Variants in SBNO2 observed in about 807,000 individuals in gnomAD.
The protein encoded by SBNO2 is protein strawberry notch homolog 2.
SBNO2 carries 89 observed loss-of-function variants against 146.3 expected under a neutral mutation model. That is an observed-to-expected ratio of 0.61 (90% CI 0.51 to 0.73). The LOEUF is 0.73. Among genes scored for constraint, SBNO2 ranks in the 30% least tolerant of loss-of-function variants. The pLI is 0.00. For synonymous variants in SBNO2, 1,147 were observed against 892.6 expected (o/e 1.29, Z -5.08); for missense variants, 2,092 against 2,003.7 (o/e 1.04, Z -0.84).
chr19:1,120,216 G>A (rs528419661), intron 11 of SBNO2, 193 bp from the exon 12 acceptor site: 35 of 592,602 alleles, frequency 5.9e-5, no homozygotes, highest in African/African-American at 2.4e-4. Context: ...GCCCCCACAC[G>A]ACCATTAGAT....
chr19:1,111,734 C>T (rs989034235), intron 23 of SBNO2, 120 bp from the exon 24 acceptor site: 4 of 716,832 alleles, frequency 5.6e-6, no homozygotes, highest in Admixed American at 2.5e-5. Flanking sequence ...CCCCTAGACT[C>T]CTAGACCCCA....
chr19:1,172,641 A>G (rs895009961), intron 1 of SBNO2, among the ~76,000 whole-genome samples: 1 of 152,184 alleles, frequency 6.6e-6, no homozygotes, highest in Non-Finnish European at 1.5e-5. Context: ...GGCCTGGAAG[A>G]AAGTTTGAAG....
chr19:1,113,543 C>T lies in SBNO2; in HGVS notation c.2239G>A (p.Val747Met). Residue 747 changes from valine to methionine, a missense_variant, in exon 19 of 32, where the codon GTG becomes ATG. Coordinates refer to ENST00000361757, the MANE Select transcript of SBNO2 (RefSeq NM_014963.3). ...LIDQLGGPQR[V>M]AEMTGRKGRV... ...TGCCACGTCCCACCCACCTCCGCCA[C>T]CCGCTGGGGGCCGCCCAGCTGGTCG... 1 of 1,595,856 alleles carries T rather than the reference C, an allele frequency of 6.3e-7. No homozygotes were observed. The highest frequency in any genetic ancestry group is 8.5e-7 in the Non-Finnish European group (1 of 1,173,032).
chr19:1,165,094 C>G (rs151325647), intron 1 of SBNO2, among the ~76,000 whole-genome samples: 5 of 152,188 alleles, frequency 3.3e-5, no homozygotes, highest in Middle Eastern at 6.8e-3. Context: ...CAGGGTCACA[C>G]GCCCAACAGG....
At chr19:1,120,894 CTT>C (rs953155195) in intron 11 of SBNO2, among the ~76,000 whole-genome samples, 1 of 144,314 alleles carries the variant, frequency 6.9e-6, no homozygotes, top group African/African-American at 2.5e-5. Flanking sequence ...GTCTGGAACT[CTT>C]TTTTTTTTTA....
intron 1 of SBNO2, among the ~76,000 whole-genome samples, chr19:1,163,410 C>T (rs914596845): frequency 6.6e-6 from 1 of 152,216 alleles, no homozygotes; most frequent in African/African-American, 2.4e-5. Context: ...CCTCAGCTTC[C>T]TGTGGCCTCC....
rs2074915 is a variant in SBNO2 at position 1,127,616 on chromosome 19, G to T, written c.429C>A (p.Ser143=). ...STIWDDNPAP[S]THDKLFQLSR... ...CGGGCGCACTGACCTTATCGTGGGT[G>T]GAGGGGGCAGGGTTATCGTCCCAGA... is the stretch of plus-strand genomic sequence containing the variant. Residue 143 remains serine, a synonymous_variant, in exon 5 of 32, where the codon TCC becomes TCA. Transcript: ENST00000361757. The T allele has an allele frequency of 1.9e-6, 3 of 1,612,620 alleles. No homozygotes were observed. Among genetic ancestry groups the T allele is most frequent in the South Asian group, 1.1e-5 (1 of 91,050 alleles).
rs1244719575 is a variant in SBNO2 at position 1,136,018 on chromosome 19, TAA to T, written c.280-8255_280-8254del. On this transcript the variant is annotated intron_variant, in intron 4 of 31. Transcript: ENST00000361757. This position sits in a 1 kb window ranked among gnomAD's most constrained non-coding sequence, Gnocchi z 4.2. ...TCCGGTCCTTGCAGATGTGAGTGGT[TAA>T]AAAAAAAAAGGCCGCACTGGCCGAG... 1.4e-5 allele frequency among the ~76,000 whole-genome samples: 2 copies of T among 143,980 alleles called. No homozygotes were observed. The highest frequency in any genetic ancestry group is 6.9e-5 in the Admixed American group (1 of 14,568). The allele number at this position is 143,980 out of a possible 152,430, so 94.5% of individuals were successfully genotyped here. A position where few individuals can be genotyped will look rare whatever the true frequency, so the allele number is the denominator to read the frequency against.
chr19:1,132,335 G>C, intron 4 of SBNO2: 1 of 1,268,898 alleles, frequency 7.9e-7, no homozygotes, highest in Non-Finnish European at 1.0e-6. Context: ...TTCAGGAAAT[G>C]ATGCCGGCCC....
rs527856372 is a variant in SBNO2 at position 1,119,053 on chromosome 19, C to T, written c.1485G>A (p.Leu495=). The T allele has an allele frequency of 1.4e-5, 22 of 1,605,362 alleles. No individual in the cohort carries two copies. The East Asian group carries it at 4.7e-4, about 34-fold the overall frequency. Residue 495 remains leucine (L), a synonymous_variant, in exon 14 of 32, where the codon CTG becomes CTA. Transcript: ENST00000361757. ...GVTFRIEEIP[L]APAFECVYNR... ...TGTAGACGCACTCGAAGGCTGGGGC[C>T]AGCGGGATCTCCTCGATGCGGAAGG...
At chr19:1,114,590 T>C (rs557717255) in intron 17 of SBNO2, among the ~76,000 whole-genome samples, 168 bp from the exon 18 acceptor site, 2 of 152,238 alleles carry the variant, frequency 1.3e-5, no homozygotes, top group African/African-American at 4.8e-5. Context: ...GGACGCCCTC[T>C]AGGGAACCCC....
At chr19:1,163,111 C>T (rs1421052835) in intron 1 of SBNO2, among the ~76,000 whole-genome samples, 1 of 152,212 alleles carries the variant, frequency 6.6e-6, no homozygotes, top group Non-Finnish European at 1.5e-5. Context: ...GGGGTGACTA[C>T]AGTCCCTCCA....
intron 24 of SBNO2, 25 bp downstream of exon 24, chr19:1,111,481 G>A (rs1176939439): frequency 2.7e-6 from 4 of 1,500,430 alleles, no homozygotes; most frequent in African/African-American, 1.4e-5. Context: ...CCCCTCCCAG[G>A]AAGACCCCCA....
intron 12 of SBNO2, 79 bp downstream of exon 12, chr19:1,119,827 G>A (rs765572875): frequency 2.4e-5 from 28 of 1,158,402 alleles, no homozygotes; most frequent in Non-Finnish European, 3.5e-5. Context: ...GAGTACGCGT[G>A]TGGGATACCC....
At chr19:1,154,055 G>C (rs968216121) in intron 2 of SBNO2, 129 bp downstream of exon 2, 2 of 430,528 alleles carry the variant, frequency 4.6e-6, no homozygotes, top group African/African-American at 4.1e-5. Flanking sequence ...CTCCGGGCCA[G>C]GAAGGTCAGG....
At chr19:1,125,886 C>T (rs1212753474) in intron 5 of SBNO2, among the ~76,000 whole-genome samples, 3 of 151,144 alleles carry the variant, frequency 2.0e-5, no homozygotes, top group Middle Eastern at 3.2e-3. Flanking sequence ...CCCAGCTACT[C>T]GAGAGGCTGA....
chr19:1,167,832 G>T (rs2080440614), intron 1 of SBNO2, among the ~76,000 whole-genome samples: 1 of 152,186 alleles, frequency 6.6e-6, no homozygotes, highest in Admixed American at 6.5e-5. Context: ...CCAGGCTCCT[G>T]AACGGCCAGC....
rs906463585 is a variant in SBNO2, at chr19:1,157,406, G to A, written c.-126-3004C>T. 1.0e-4 allele frequency among the ~76,000 whole-genome samples: 15 copies of A among 148,316 alleles called. No homozygotes were observed. The highest frequency in any genetic ancestry group is 2.0e-4 in the East Asian group (1 of 5,128). Reference sequence around the variant, plus strand: ...GCAGCCCCGGAGACGCTCTCCCCACGCGGCCCCGGAGACCCTCTCCCCACG... The same window carrying A: ...GCAGCCCCGGAGACGCTCTCCCCACACGGCCCCGGAGACCCTCTCCCCACG... On this transcript the variant is annotated intron_variant, in intron 1 of 31. Coordinates refer to ENST00000361757, the MANE Select transcript of SBNO2 (RefSeq NM_014963.3). This position sits in a 1 kb window ranked among gnomAD's most constrained non-coding sequence, Gnocchi z 6.8.
chr19:1,132,034 C>T (rs2080034812), intron 4 of SBNO2: 4 of 1,360,702 alleles, frequency 2.9e-6, no homozygotes, highest in Non-Finnish European at 3.9e-6. Flanking sequence ...AATGGGGTCC[C>T]ACCTCCCAGA....
Sources: allele counts gnomAD v4.1 joint callset (sites outside exome capture counted in the v4.1 genomes callset), GRCh38; gene constraint gnomAD v4.1.1; non-coding constraint Gnocchi (gnomAD v3.1); transcripts MANE v1.5; gene names NCBI Gene and HGNC (gene_info 2026-07-23, HGNC 2026-07-21).